The following NAP1L4 variants were observed in gnomAD, a reference collection of about 807,000 sequenced individuals.
NAP1L4 encodes nucleosome assembly protein 1-like 4.
In NAP1L4, 15 loss-of-function variants were observed where a neutral mutation model predicts 58.2. The observed-to-expected ratio is 0.26, with a 90% CI of 0.17 to 0.40. The LOEUF is 0.40. Ranked by LOEUF, NAP1L4 falls within the 10% of genes least tolerant of loss-of-function variation. The pLI is 1.00. For missense variants in NAP1L4, 384 were observed against 451.1 expected, an observed-to-expected ratio of 0.85 and a Z score of 1.35; for synonymous variants, 171 against 155.6, an observed-to-expected ratio of 1.10 and a Z score of -0.74.
intron 8 of NAP1L4, among the ~76,000 whole-genome samples, chr11:2,961,132 GA>G (rs371076532): frequency 2.0e-5 from 3 of 151,586 alleles, no homozygotes; most frequent in Non-Finnish European, 4.4e-5. Context: ...CAACGGGGGG[GA>G]AATTAAGAGG....
At position 2,977,213 on chromosome 11, in the gene NAP1L4, T is replaced by C. The variant is rs540088551; in HGVS notation, c.73+1071A>G. ...CTAAAACCTCCGTGTGAAAGTTTGC[T>C]GAAGAGGAAGAGGATATCTACACGT... On this transcript the variant is annotated intron_variant, in intron 3 of 15. Transcript: ENST00000380542. Among the ~76,000 whole-genome samples, 10 of 152,334 alleles carry C rather than the reference T, an allele frequency of 6.6e-5. 1 individual carries two copies. In the South Asian group the frequency reaches 2.1e-3, roughly 32 times the overall value.
chr11:2,979,657 C>T (rs1848185804), intron 1 of NAP1L4, among the ~76,000 whole-genome samples: 1 of 151,844 alleles, frequency 6.6e-6, no homozygotes, highest in Non-Finnish European at 1.5e-5. Flanking sequence ...CTGTAATCCC[C>T]GCTACTCAGG....
intron 6 of NAP1L4, 83 bp from the exon 7 acceptor site, chr11:2,970,017 T>C: frequency 1.4e-6 from 2 of 1,387,718 alleles, no homozygotes; most frequent in Non-Finnish European, 9.7e-7. Context: ...CGTTGCCGAA[T>C]CCTCTACTAT....
At chr11:2,961,472 G>A (rs1266922563) in intron 8 of NAP1L4, among the ~76,000 whole-genome samples, 3 of 149,074 alleles carry the variant, frequency 2.0e-5, no homozygotes, top group African/African-American at 7.4e-5. Context: ...CAAATAAAAT[G>A]CCTATTTCTC....
Position 2,971,476 on chromosome 11 carries a change from C to A in NAP1L4, c.374G>T (p.Ser125Ile). Residue 125 changes from serine (S) to isoleucine (I), a missense_variant, in exon 6 of 16, where the codon AGT becomes ATT. Around this residue, in one of 3 missense-constraint regions of NAP1L4, gnomAD observed 296 missense variants for 360.8 expected, o/e 0.82. Coordinates refer to ENST00000380542, the MANE Select transcript of NAP1L4 (RefSeq NM_005969.4). The surrounding 1 kb of genome is among the most constrained non-coding windows in gnomAD (Gnocchi z 4.2). ...CAATTTCTCTTCCTCTTCATTTTCA[C>A]TGTGCCATTCCGATTCCGCATCTGT... is the stretch of plus-strand genomic sequence containing the variant. Reference protein sequence around the residue: ...EPTDAESEWHSENEEEEKLAG... With the variant: ...EPTDAESEWHIENEEEEKLAG... The A allele has an allele frequency of 6.2e-7, 1 of 1,613,874 alleles. No individual in the cohort carries two copies. The highest frequency in any genetic ancestry group is 8.5e-7 in the Non-Finnish European group (1 of 1,180,000).
chr11:2,949,262 C>A lies in NAP1L4; in HGVS notation c.1125G>T (p.Val375=). ...ATGAATGATTAACAGACAAAAATTA[C>A]ACCTAAATGGGGAAAAAAATTGAAA... ...DEDDAEINPK[V] The change falls in exon 15 of 16, where the codon GTG becomes GTT. Residue 375 remains valine (V), a splice_region_variant and synonymous_variant. Transcript: ENST00000380542. This position sits in a 1 kb window ranked among gnomAD's most constrained non-coding sequence, Gnocchi z 4.0. 6.3e-7 allele frequency: 1 copy of A among 1,599,018 alleles called. No individual in the cohort carries two copies.
intron 8 of NAP1L4, among the ~76,000 whole-genome samples, chr11:2,961,801 G>A (rs1457104115): frequency 2.0e-5 from 3 of 152,050 alleles, no homozygotes; most frequent in African/African-American, 7.3e-5. Context: ...TAAAGTGCTG[G>A]GATTACAGGC....
chr11:2,978,499 G>A (rs1346678250), intron 2 of NAP1L4, among the ~76,000 whole-genome samples, 157 bp from the exon 3 acceptor site: 1 of 152,130 alleles, frequency 6.6e-6, no homozygotes, highest in African/African-American at 2.4e-5. Context: ...TTATCTCAGA[G>A]GCTGTCCTCT....
chr11:2,951,106 A>G lies in NAP1L4; in HGVS notation c.1122+153T>C, dbSNP rs949895531. 5 of 688,398 alleles carry G rather than the reference A, an allele frequency of 7.3e-6. No homozygotes were observed. In the Admixed American group the frequency reaches 9.5e-5, roughly 13 times the overall value. The allele number at this position is 688,398 out of a possible 1,614,324, so 42.6% of individuals were successfully genotyped here. On this transcript the variant is annotated intron_variant, in intron 14 of 15. Coordinates refer to ENST00000380542, the MANE Select transcript of NAP1L4 (RefSeq NM_005969.4). This position sits in a 1 kb window ranked among gnomAD's most constrained non-coding sequence, Gnocchi z 4.0. ...CTCAAATTATAGACACAGTGTCTGA[A>G]TAATCATTCCACTATTTTTCTGACA...
At position 2,955,194 on chromosome 11, in the gene NAP1L4, G is replaced by A. The variant is rs933066582; in HGVS notation, c.916-548C>T. Among the ~76,000 whole-genome samples, 1 of 151,876 alleles carries A rather than the reference G, an allele frequency of 6.6e-6. No individual in the cohort carries two copies. The highest frequency in any genetic ancestry group is 2.4e-5 in the African/African-American group (1 of 41,316). ...ACTACACAGTGCACCACCATGTCCAGCTAATTTATTATTTTATCTTTTGAG... is the reference window on the plus strand; with the variant it reads ...ACTACACAGTGCACCACCATGTCCAACTAATTTATTATTTTATCTTTTGAG... On this transcript the variant is annotated intron_variant, in intron 11 of 15. Transcript: ENST00000380542. This position sits in a 1 kb window ranked among gnomAD's most constrained non-coding sequence, Gnocchi z 4.2.
chr11:2,945,475 G>GA lies in NAP1L4; in HGVS notation c.*203dup. The GA allele has an allele frequency of 1.4e-6, 1 of 739,346 alleles. No individual in the cohort carries two copies. Among genetic ancestry groups the GA allele is most frequent in the Non-Finnish European group, 2.1e-6 (1 of 467,472 alleles). The allele number at this position is 739,346 out of a possible 1,614,324, so 45.8% of individuals were successfully genotyped here. A position where few individuals can be genotyped will look rare whatever the true frequency, so the allele number is the denominator to read the frequency against. On this transcript the variant is annotated 3_prime_UTR_variant, in exon 16 of 16. Transcript: ENST00000380542. ...ATAAGGAAAAAGGAAAAGTGAAAGTGAAAATCATGCACTTGAAAACGAGTT... is the reference window on the plus strand; with the variant it reads ...ATAAGGAAAAAGGAAAAGTGAAAGTGAAAAATCATGCACTTGAAAACGAGTT...
At chr11:2,958,607 T>C (rs1289261919) in intron 9 of NAP1L4, 63 bp from the exon 10 acceptor site, 3 of 1,540,516 alleles carry the variant, frequency 1.9e-6, no homozygotes, top group Non-Finnish European at 2.6e-6. Context: ...TACAAATGCA[T>C]GCAGGAAGCA....
At chr11:2,974,331 G>A (rs761890998) in intron 4 of NAP1L4, among the ~76,000 whole-genome samples, 10 of 151,992 alleles carry the variant, frequency 6.6e-5, no homozygotes, top group Non-Finnish European at 7.4e-5. Context: ...GCCCTCTGCC[G>A]GCACTTTTCC....
intron 1 of NAP1L4, among the ~76,000 whole-genome samples, chr11:2,989,678 A>G (rs772425052): frequency 4.5e-4 from 69 of 152,360 alleles, no homozygotes; most frequent in Non-Finnish European, 7.6e-4. Flanking sequence ...CAGTCCCCAC[A>G]CTTAGCTGCG....
intron 8 of NAP1L4, among the ~76,000 whole-genome samples, chr11:2,961,059 C>T (rs186001541): frequency 6.6e-4 from 100 of 151,982 alleles, no homozygotes; most frequent in African/African-American, 2.3e-3. Flanking sequence ...CTTAGAGCCG[C>T]GTTTATAGGC....
chr11:2,968,590 T>C (rs542772048), intron 7 of NAP1L4, among the ~76,000 whole-genome samples: 4 of 152,238 alleles, frequency 2.6e-5, no homozygotes, highest in Admixed American at 1.3e-4. Context: ...ACAAGGGAGG[T>C]AGCAGAGGCA....
At chr11:2,992,043 GCCCGGGCTCCAGGC>G (rs1564996464) in intron 1 of NAP1L4, 197 bp downstream of exon 1, 1 of 152,084 alleles carries the variant, frequency 6.6e-6, no homozygotes, top group Admixed American at 6.6e-5. Flanking sequence ...AGCGCCCCAG[GCCCGGGCTCCAGGC>G]CCCAAGCCCC....
chr11:2,976,863 GAC>G (rs1258795950), intron 3 of NAP1L4, among the ~76,000 whole-genome samples: 1 of 152,186 alleles, frequency 6.6e-6, no homozygotes, highest in Non-Finnish European at 1.5e-5. Context: ...TCTGGCTCAT[GAC>G]ACAGACTCTT....
chr11:2,950,123 G>A (rs930226804), intron 14 of NAP1L4, among the ~76,000 whole-genome samples: 3 of 152,212 alleles, frequency 2.0e-5, no homozygotes, highest in Non-Finnish European at 4.4e-5. Context: ...ACACTGTGAT[G>A]CACGCAAGGC....
Sources: allele counts gnomAD v4.1 joint callset (sites outside exome capture counted in the v4.1 genomes callset), GRCh38; gene constraint gnomAD v4.1.1; regional missense constraint gnomAD v4.1.1; non-coding constraint Gnocchi (gnomAD v3.1); transcripts MANE v1.5; gene names NCBI Gene and HGNC (gene_info 2026-07-23, HGNC 2026-07-21).